The following DPYSL2 variants were observed in gnomAD, a reference collection of about 807,000 sequenced individuals.
The protein encoded by DPYSL2 is dihydropyrimidinase-related protein 2.
In DPYSL2, 13 loss-of-function variants were observed where a neutral mutation model predicts 69.9. The ratio of observed to expected loss-of-function variants is 0.19; its 90% CI spans 0.12 to 0.30. DPYSL2 has a LOEUF of 0.30. Ranked by LOEUF, DPYSL2 falls within the 10% of genes least tolerant of loss-of-function variation. The pLI, the probability that DPYSL2 is intolerant of heterozygous loss-of-function variation, is 1.00. For synonymous variants in DPYSL2, 326 were observed against 359.1 expected, an observed-to-expected ratio of 0.91 and a Z score of 1.04; for missense variants, 587 against 918.9, an observed-to-expected ratio of 0.64 and a Z score of 4.67.
Position 26,647,870 on chromosome 8 carries a change from G to A in DPYSL2, c.1596+70G>A. 6.7e-7 allele frequency: 1 copy of A among 1,494,354 alleles called. No homozygotes were observed. Among genetic ancestry groups the A allele is most frequent in the Non-Finnish European group, 8.9e-7 (1 of 1,120,296 alleles). 92.6% of individuals were successfully genotyped at this position (1,494,354 alleles called of 1,614,324 possible). A position where few individuals can be genotyped will look rare whatever the true frequency, so the allele number is the denominator to read the frequency against. ...TCACAGAGACACAGACGGAGGGAGAGCCCCAGGGTTTCTAAAAAGAACTTG... is the reference window on the plus strand; with the variant it reads ...TCACAGAGACACAGACGGAGGGAGAACCCCAGGGTTTCTAAAAAGAACTTG... On this transcript the variant is annotated intron_variant, in intron 11 of 13. Coordinates refer to ENST00000521913, the MANE Select transcript of DPYSL2 (RefSeq NM_001197293.3). The surrounding 1 kb of genome is among the most constrained non-coding windows in gnomAD (Gnocchi z 5.1).
intron 1 of DPYSL2, among the ~76,000 whole-genome samples, chr8:26,573,991 G>A (rs999847080): frequency 4.6e-5 from 7 of 151,834 alleles, no homozygotes; most frequent in Admixed American, 3.3e-4. Context: ...AAAATGTTAA[G>A]GGCACCTGCC....
rs1421703196 is a variant in DPYSL2, at chr8:26,650,540, G to A, written c.1597-1717G>A. 6.6e-6 allele frequency among the ~76,000 whole-genome samples: 1 copy of A among 152,192 alleles called. No individual in the cohort carries two copies. Among genetic ancestry groups the A allele is most frequent in the East Asian group, 1.9e-4 (1 of 5,190 alleles). Reference sequence around the variant, plus strand: ...AAACTGAAGCTGAGACAGGATTAAAGCAATCTCCCCAGAGTCACACAACTT... The same window carrying A: ...AAACTGAAGCTGAGACAGGATTAAAACAATCTCCCCAGAGTCACACAACTT... On this transcript the variant is annotated intron_variant, in intron 11 of 13. Transcript: ENST00000521913. This position sits in a 1 kb window ranked among gnomAD's most constrained non-coding sequence, Gnocchi z 5.3.
At chr8:26,522,900 C>T (rs1808411706) in intron 1 of DPYSL2, among the ~76,000 whole-genome samples, 2 of 151,920 alleles carry the variant, frequency 1.3e-5, no homozygotes, top group African/African-American at 2.4e-5. Flanking sequence ...ATTATACTAT[C>T]CCCGGCTGTT....
chr8:26,629,961 ACACT>A (rs1313010658), intron 7 of DPYSL2, among the ~76,000 whole-genome samples: 11 of 140,618 alleles, frequency 7.8e-5, no homozygotes, highest in African/African-American at 1.5e-4. Flanking sequence ...ACACGTGCAC[ACACT>A]CACGTTCACA....
Position 26,598,599 on chromosome 8 carries a change from C to T in DPYSL2, c.628+14616C>T, listed in dbSNP as rs1007409568. ...GCACCTTTCCCCCCAGGCACAGTCC[C>T]TGCTTACGGGAGATTTGAGGCATTT... On this transcript the variant is annotated intron_variant, in intron 3 of 13. Coordinates refer to ENST00000521913, the MANE Select transcript of DPYSL2 (RefSeq NM_001197293.3). The surrounding 1 kb of genome is among the most constrained non-coding windows in gnomAD (Gnocchi z 4.2). 1.3e-5 allele frequency among the ~76,000 whole-genome samples: 2 copies of T among 152,226 alleles called. No individual in the cohort carries two copies. Among genetic ancestry groups the T allele is most frequent in the Admixed American group, 1.3e-4 (2 of 15,284 alleles).
rs148525618 is a variant in DPYSL2 at position 26,519,638 on chromosome 8, G to A, written c.354+4959G>A. Among the ~76,000 whole-genome samples the A allele has an allele frequency of 3.4e-3, 514 of 151,904 alleles. 2 individuals carry two copies. The highest frequency in any genetic ancestry group is 0.015 in the South Asian group (70 of 4,794). On this transcript the variant is annotated intron_variant, in intron 1 of 13. Coordinates refer to ENST00000521913, the MANE Select transcript of DPYSL2 (RefSeq NM_001197293.3). The stretch of plus-strand genomic sequence containing the variant: ...GATATTTACTTAGCCAATTCCTAAG[G>A]TCTTGCTATTTAGTAAGTATGTAAA...
chr8:26,570,829 GT>G (rs1212424748), intron 1 of DPYSL2, among the ~76,000 whole-genome samples: 1 of 151,894 alleles, frequency 6.6e-6, no homozygotes. Context: ...GGAACAAGAG[GT>G]TTCTTTGTGC....
chr8:26,518,061 A>C (rs1377915264), intron 1 of DPYSL2, among the ~76,000 whole-genome samples: 1 of 152,232 alleles, frequency 6.6e-6, no homozygotes, highest in Non-Finnish European at 1.5e-5. Context: ...CTTAACTTGC[A>C]TTAATCTTAG....
At chr8:26,521,871 G>A (rs568918062) in intron 1 of DPYSL2, among the ~76,000 whole-genome samples, 1 of 152,038 alleles carries the variant, frequency 6.6e-6, no homozygotes, top group Non-Finnish European at 1.5e-5. Flanking sequence ...TTCCTTTTTA[G>A]GGCCAAATAA....
At chr8:26,556,192 T>G (rs1200088959) in intron 1 of DPYSL2, among the ~76,000 whole-genome samples, 3,594 of 8,862 alleles carry the variant, frequency 0.41, 1,333 homozygotes, top group East Asian at 0.91. Flanking sequence ...ACTATATATA[T>G]TATATATACT....
chr8:26,569,362 AAACAAAAACAAAAAC>A lies in DPYSL2; in HGVS notation c.355-12604_355-12590del, dbSNP rs1198406610. ...GGGCAAGACCCTATCTCCAAAAAAA[AAACAAAAACAAAAAC>A]AAAAAAAAACCAAAGAAAAACCCAA... is the stretch of plus-strand genomic sequence containing the variant. On this transcript the variant is annotated intron_variant, in intron 1 of 13. Coordinates refer to ENST00000521913, the MANE Select transcript of DPYSL2 (RefSeq NM_001197293.3). Among the ~76,000 whole-genome samples, 130 of 99,150 alleles carry A rather than the reference AAACAAAAACAAAAAC, an allele frequency of 1.3e-3. 3 individuals are homozygous for A. The highest frequency in any genetic ancestry group is 5.2e-3 in the African/African-American group (126 of 24,058). 65.0% of individuals were successfully genotyped at this position (99,150 alleles called of 152,430 possible). A position where few individuals can be genotyped will look rare whatever the true frequency, so the allele number is the denominator to read the frequency against.
chr8:26,648,679 G>T lies in DPYSL2; in HGVS notation c.1596+879G>T, dbSNP rs1172507000. On this transcript the variant is annotated intron_variant, in intron 11 of 13. Transcript: ENST00000521913. This position sits in a 1 kb window ranked among gnomAD's most constrained non-coding sequence, Gnocchi z 4.3. ...CATTTGAATCTTGAAGACAGCTCAG[G>T]CCAGCAAGCACTGACACCTCCCCCA... is the stretch of plus-strand genomic sequence containing the variant. Among the ~76,000 whole-genome samples the T allele has an allele frequency of 6.6e-6, 1 of 152,226 alleles. No individual in the cohort carries two copies. Among genetic ancestry groups the T allele is most frequent in the Non-Finnish European group, 1.5e-5 (1 of 68,046 alleles).
intron 1 of DPYSL2, chr8:26,577,263 C>G (rs769966674): frequency 2.7e-5 from 10 of 377,266 alleles, no homozygotes; most frequent in Non-Finnish European, 5.2e-5. Context: ...CCGGACGCTC[C>G]CGGGAAGCAG....
At chr8:26,636,478 G>A (rs1364343391) in intron 8 of DPYSL2, among the ~76,000 whole-genome samples, 4 of 152,220 alleles carry the variant, frequency 2.6e-5, no homozygotes, top group Non-Finnish European at 4.4e-5. Flanking sequence ...ACATTTCAAC[G>A]TAATTTTGGA....
intron 7 of DPYSL2, among the ~76,000 whole-genome samples, chr8:26,629,386 A>G (rs923432451): frequency 4.6e-5 from 7 of 152,200 alleles, no homozygotes; most frequent in African/African-American, 1.7e-4. Flanking sequence ...ATACACATGC[A>G]GAGGCAGATA....
At chr8:26,622,986 T>C (rs539914850) in intron 3 of DPYSL2, among the ~76,000 whole-genome samples, 1 of 152,358 alleles carries the variant, frequency 6.6e-6, no homozygotes, top group East Asian at 1.9e-4. Context: ...ATTTCTATTG[T>C]TGCACAAGTT....
intron 1 of DPYSL2, among the ~76,000 whole-genome samples, chr8:26,556,618 G>T (rs1800992879): frequency 1.3e-5 from 2 of 151,280 alleles, no homozygotes; most frequent in African/African-American, 4.9e-5. Context: ...CTAACAATAT[G>T]TATATATGTA....
Position 26,619,135 on chromosome 8 carries a change from A to G in DPYSL2, c.629-5008A>G, listed in dbSNP as rs1802425628. Reference sequence around the variant, plus strand: ...GCCCTCTTGGAGGGGCCGATAGCTCAGGGAGGTCACCAGAGGAAAGGCCTG... The same window carrying G: ...GCCCTCTTGGAGGGGCCGATAGCTCGGGGAGGTCACCAGAGGAAAGGCCTG... On this transcript the variant is annotated intron_variant, in intron 3 of 13. Coordinates refer to ENST00000521913, the MANE Select transcript of DPYSL2 (RefSeq NM_001197293.3). The surrounding 1 kb of genome is among the most constrained non-coding windows in gnomAD (Gnocchi z 4.8). Among the ~76,000 whole-genome samples, 1 of 152,114 alleles carries G rather than the reference A, an allele frequency of 6.6e-6. No homozygotes were observed. Among genetic ancestry groups the G allele is most frequent in the Non-Finnish European group, 1.5e-5 (1 of 68,018 alleles).
chr8:26,534,617 A>AT (rs1563377608), intron 1 of DPYSL2, among the ~76,000 whole-genome samples: 1 of 151,852 alleles, frequency 6.6e-6, no homozygotes, highest in Admixed American at 6.6e-5. Flanking sequence ...GACACACTGT[A>AT]TTTTTTTATT....
Sources: allele counts gnomAD v4.1 joint callset (sites outside exome capture counted in the v4.1 genomes callset), GRCh38; gene constraint gnomAD v4.1.1; non-coding constraint Gnocchi (gnomAD v3.1); transcripts MANE v1.5; gene names NCBI Gene and HGNC (gene_info 2026-07-23, HGNC 2026-07-21).